LRP2: variants seen among roughly 807,000 people sequenced by gnomAD.
LRP2 encodes LDL receptor related protein 2, also known as low-density lipoprotein receptor-related protein 2.
LRP2 carries 172 observed loss-of-function variants against 531.0 expected under a neutral mutation model. The ratio of observed to expected loss-of-function variants is 0.32; its 90% CI spans 0.29 to 0.37. The LOEUF is 0.37. LRP2 is among the 10% of genes least tolerant of loss of function. The pLI, the probability that LRP2 is intolerant of heterozygous loss-of-function variation, is 1.00. For synonymous variants in LRP2, 1,992 were observed against 2,027.6 expected (o/e 0.98, Z 0.47); for missense variants, 5,167 against 5,868.3 (o/e 0.88, Z 3.90).
chr2:169,157,325 A>G, intron 64 of LRP2, 46 bp downstream of exon 64: 1 of 1,594,290 alleles, frequency 6.3e-7, no homozygotes, highest in African/African-American at 1.3e-5. Context: ...GGAGAACCTT[A>G]GATGTAAAGT....
chr2:169,340,279 C>T (rs1354185606), intron 1 of LRP2, among the ~76,000 whole-genome samples: 2 of 152,206 alleles, frequency 1.3e-5, no homozygotes, highest in South Asian at 2.1e-4. Context: ...TATGCCTCTC[C>T]CAAAATGTGG....
At chr2:169,148,109 T>C (rs1312911811) in intron 68 of LRP2, among the ~76,000 whole-genome samples, 2 of 152,326 alleles carry the variant, frequency 1.3e-5, no homozygotes, top group Middle Eastern at 3.4e-3. Context: ...CAAACTGGGC[T>C]CTGGAAAAAA....
rs528403277 is a variant in LRP2 at position 169,356,990 on chromosome 2, T to C, written c.79+5331A>G. Among the ~76,000 whole-genome samples the C allele has an allele frequency of 6.6e-4, 101 of 152,310 alleles. 2 individuals carry two copies. Among genetic ancestry groups the C allele is most frequent in the Admixed American group, 2.6e-4 (4 of 15,300 alleles). On this transcript the variant is annotated intron_variant, in intron 1 of 78. Transcript: ENST00000649046. The stretch of plus-strand genomic sequence containing the variant: ...TACTATTGACTCATCAGCACACTGT[T>C]GATATTTAATAAATATTCATGGAAA...
chr2:169,162,165 A>C (rs1686612230), intron 63 of LRP2, among the ~76,000 whole-genome samples: 1 of 152,360 alleles, frequency 6.6e-6, no homozygotes, highest in Admixed American at 6.5e-5. Context: ...TCAAATCCTG[A>C]GTCAACCTCT....
rs554598762 is a variant in LRP2 at position 169,244,638 on chromosome 2, T to C, written c.3430+55A>G. On this transcript the variant is annotated intron_variant, in intron 22 of 78. Transcript: ENST00000649046. ...AGGAAAGAATGCAAGGCCATTTGGT[T>C]GTTGAAGTCTATTTACGAGGCTGAC... The C allele has an allele frequency of 1.2e-5, 19 of 1,612,654 alleles. No homozygotes were observed. The East Asian group carries it at 1.3e-4, about 11-fold the overall frequency.
At position 169,156,122 on chromosome 2, in the gene LRP2, A is replaced by G. The variant is rs1217068558; in HGVS notation, c.12151+152T>C. 5.4e-6 allele frequency: 5 copies of G among 922,360 alleles called. No individual in the cohort carries two copies. In the African/African-American group the frequency reaches 6.7e-5, roughly 12 times the overall value. 57.1% of individuals were successfully genotyped at this position (922,360 alleles called of 1,614,324 possible). ...AGGGGAGGAGAGAGAAGGAGCGACT[A>G]AAGAGGTGTTGGAAGAGAAGCAGCT... On this transcript the variant is annotated intron_variant, in intron 65 of 78. Coordinates refer to ENST00000649046, the MANE Select transcript of LRP2 (RefSeq NM_004525.3).
At chr2:169,198,742 G>C in intron 45 of LRP2, 44 bp downstream of exon 45, 1 of 1,606,920 alleles carries the variant, frequency 6.2e-7, no homozygotes, top group East Asian at 2.2e-5. Flanking sequence ...CTCACAACAT[G>C]CATCTCTGGA....
At chr2:169,150,263 AC>A (rs1686073354) in intron 68 of LRP2, among the ~76,000 whole-genome samples, 1 of 152,192 alleles carries the variant, frequency 6.6e-6, no homozygotes, top group Non-Finnish European at 1.5e-5. Flanking sequence ...CATTCAAAAA[AC>A]TTTTTTAAAG....
intron 46 of LRP2, among the ~76,000 whole-genome samples, 161 bp from the exon 47 acceptor site, chr2:169,194,053 C>A (rs1031846065): frequency 2.6e-5 from 4 of 152,124 alleles, no homozygotes; most frequent in African/African-American, 9.7e-5. Context: ...GTACCAGCGA[C>A]CAACAGTTTG....
intron 48 of LRP2, among the ~76,000 whole-genome samples, chr2:169,190,577 C>A (rs575200485): frequency 6.6e-6 from 1 of 152,300 alleles, no homozygotes; most frequent in African/African-American, 2.4e-5. Flanking sequence ...GACTCTGCTT[C>A]TCTGATCTTG....
chr2:169,239,319 C>T (rs1231657595), intron 26 of LRP2, among the ~76,000 whole-genome samples: 1 of 152,080 alleles, frequency 6.6e-6, no homozygotes, highest in East Asian at 1.9e-4. Flanking sequence ...TATGTTTTAA[C>T]CTCTATTTTC....
At chr2:169,299,655 G>A (rs1326742324) in intron 4 of LRP2, among the ~76,000 whole-genome samples, 1 of 152,092 alleles carries the variant, frequency 6.6e-6, no homozygotes, top group African/African-American at 2.4e-5. Context: ...CTTCTAAGGG[G>A]TAAACAAATG....
chr2:169,340,901 G>A (rs1418325274), intron 1 of LRP2, among the ~76,000 whole-genome samples: 1 of 152,098 alleles, frequency 6.6e-6, no homozygotes, highest in East Asian at 1.9e-4. Context: ...TTTCTTGAGT[G>A]CATGCTTATG....
chr2:169,265,225 G>A (rs1414636809), intron 16 of LRP2, among the ~76,000 whole-genome samples: 1 of 151,938 alleles, frequency 6.6e-6, no homozygotes, highest in East Asian at 1.9e-4. Context: ...CTTACCTCAT[G>A]AAGGAAAATG....
intron 15 of LRP2, among the ~76,000 whole-genome samples, chr2:169,271,361 T>C (rs913853186): frequency 6.6e-6 from 1 of 152,042 alleles, no homozygotes; most frequent in African/African-American, 2.4e-5. Flanking sequence ...TGTATTTATA[T>C]GAAAAATGAT....
Position 169,185,653 on chromosome 2 carries a change from A to G in LRP2, c.9695T>C (p.Leu3232Ser). Residue 3232 changes from leucine to serine, a missense_variant, in exon 50 of 79, where the codon TTA (leucine) becomes TCA (serine). Transcript: ENST00000649046. ...TCTCTTCTCTACTCGGTCAAAATCT[A>G]ATGCCACAACATTGTCCAGTCCTTC... ...ILEGLDNVVALDFDRVEKRLY... is the reference protein window; with the variant it reads ...ILEGLDNVVASDFDRVEKRLY... The G allele has an allele frequency of 6.2e-7, 1 of 1,614,204 alleles. No homozygotes were observed. The highest frequency in any genetic ancestry group is 8.5e-7 in the Non-Finnish European group (1 of 1,180,028).
At chr2:169,336,273 C>G (rs184960130) in intron 1 of LRP2, among the ~76,000 whole-genome samples, 43 of 151,604 alleles carry the variant, frequency 2.8e-4, no homozygotes, top group African/African-American at 9.9e-4. Context: ...CGCAGTGGCT[C>G]ATGCCTGTAA....
rs368682597 is a variant in LRP2 at position 169,175,197 on chromosome 2, A to G, written c.10764T>C (p.Leu3588=). Residue 3588 remains leucine (L), a synonymous_variant, in exon 55 of 79, where the codon CTT becomes CTC. Transcript: ENST00000649046. ...GCATAAAGCGACTCAACACACCACA[A>G]AGAAGACGGTCTTCATCAGACCCAT... The part of the protein sequence containing the change: ...CPDGSDEDRL[L]CENHHCDSNE... 1.1e-5 allele frequency: 17 copies of G among 1,613,984 alleles called. No individual in the cohort carries two copies. The highest frequency in any genetic ancestry group is 1.4e-5 in the Non-Finnish European group (17 of 1,180,006).
At chr2:169,171,737 A>G (rs1395440549) in intron 58 of LRP2, among the ~76,000 whole-genome samples, 1 of 151,988 alleles carries the variant, frequency 6.6e-6, no homozygotes, top group African/African-American at 2.4e-5. Flanking sequence ...CTTCTTTTGG[A>G]AAAAAAAGTT....
Sources: allele counts gnomAD v4.1 joint callset (sites outside exome capture counted in the v4.1 genomes callset), GRCh38; gene constraint gnomAD v4.1.1; transcripts MANE v1.5; gene names NCBI Gene and HGNC (gene_info 2026-07-23, HGNC 2026-07-21).